Variants in PATJ observed in about 807,000 individuals in gnomAD.
PATJ encodes inaD-like protein.
In PATJ, 190 loss-of-function variants were observed where a neutral mutation model predicts 224.9. The observed-to-expected ratio is 0.84, with a 90% confidence interval of 0.75 to 0.95. PATJ has a LOEUF of 0.95. Ranked by LOEUF, PATJ falls within the 40% of genes least tolerant of loss-of-function variation. The pLI is 0.00. For synonymous variants in PATJ, 769 were observed against 820.3 expected (o/e 0.94, Z 1.07); for missense variants, 2,121 against 2,270.3 (o/e 0.93, Z 1.34).
chr1:61,943,217 C>T (rs1346379554), intron 27 of PATJ, among the ~76,000 whole-genome samples: 1 of 152,190 alleles, frequency 6.6e-6, no homozygotes, highest in African/African-American at 2.4e-5. Context: ...GTGATTTCTG[C>T]ATTTCCAACT....
At chr1:61,767,111 T>G (rs1646327613) in intron 4 of PATJ, among the ~76,000 whole-genome samples, 1 of 152,066 alleles carries the variant, frequency 6.6e-6, no homozygotes, top group African/African-American at 2.4e-5. Flanking sequence ...TAATGTAATT[T>G]GGAAAATCTA....
chr1:61,805,337 C>G, intron 12 of PATJ, 111 bp from the exon 13 acceptor site: 1 of 682,762 alleles, frequency 1.5e-6, no homozygotes, highest in Non-Finnish European at 2.6e-6. Context: ...TATTCATTTC[C>G]CCTTTACTTA....
At chr1:62,129,735 G>A (rs924657671) in intron 41 of PATJ, among the ~76,000 whole-genome samples, 3 of 152,186 alleles carry the variant, frequency 2.0e-5, no homozygotes, top group Admixed American at 2.0e-4. Context: ...GAGGTCAGGA[G>A]TTCGAGACCA....
intron 31 of PATJ, among the ~76,000 whole-genome samples, chr1:62,058,951 G>T (rs1286659627): frequency 6.6e-6 from 1 of 152,168 alleles, no homozygotes; most frequent in Non-Finnish European, 1.5e-5. Flanking sequence ...TGAATCAGGA[G>T]ATTTTCCATA....
At chr1:62,054,485 G>A (rs1027322205) in intron 31 of PATJ, 1 of 167,974 alleles carries the variant, frequency 6.0e-6, no homozygotes, top group Admixed American at 6.3e-5. Context: ...TAGATGCATA[G>A]CCAAGGAGTT....
At chr1:62,122,015 CTT>C (rs1313833493) in intron 38 of PATJ, among the ~76,000 whole-genome samples, 1 of 151,748 alleles carries the variant, frequency 6.6e-6, no homozygotes, top group Non-Finnish European at 1.5e-5. Flanking sequence ...CCTTTTAAGT[CTT>C]TTGTTGAATG....
In PATJ at chr1:62,114,045, T is replaced by C; in HGVS notation, c.4462-8T>C. 6.2e-7 allele frequency: 1 copy of C among 1,613,440 alleles called. No homozygotes were observed. The highest frequency in any genetic ancestry group is 8.5e-7 in the Non-Finnish European group (1 of 1,179,724). On this transcript the variant is annotated splice_polypyrimidine_tract_variant and splice_region_variant and intron_variant, in intron 34 of 43. Transcript: ENST00000642238. The stretch of plus-strand genomic sequence containing the variant: ...CAGCAGCCCAGCTCAGGATGCCCAT[T>C]GTTCCAGGTTAATGGGGTTGACCTG...
intron 17 of PATJ, among the ~76,000 whole-genome samples, chr1:61,852,212 TA>T (rs1401293925): frequency 1.3e-5 from 2 of 150,558 alleles, no homozygotes; most frequent in African/African-American, 4.9e-5. Flanking sequence ...ACAGTGTGTA[TA>T]ATAATATAAG....
At chr1:61,967,667 A>T (rs1223564937) in intron 27 of PATJ, among the ~76,000 whole-genome samples, 1 of 152,180 alleles carries the variant, frequency 6.6e-6, no homozygotes. Flanking sequence ...AAATGAGATG[A>T]TTTATTTAAA....
At chr1:62,136,671 G>A (rs867151102) in intron 41 of PATJ, among the ~76,000 whole-genome samples, 1 of 149,754 alleles carries the variant, frequency 6.7e-6, no homozygotes, top group African/African-American at 2.5e-5. Flanking sequence ...GTGTCTGTGT[G>A]TGTGTGTGTG....
In PATJ at chr1:61,754,554, G is replaced by A. The variant is rs1645523007; in HGVS notation, c.-35-8304G>A. Among the ~76,000 whole-genome samples, 3 of 120,726 alleles carry A rather than the reference G, an allele frequency of 2.5e-5. No individual in the cohort carries two copies. The South Asian group carries it at 7.7e-4, about 31-fold the overall frequency. 79.2% of individuals were successfully genotyped at this position (120,726 alleles called of 152,430 possible). A position where few individuals can be genotyped will look rare whatever the true frequency, so the allele number is the denominator to read the frequency against. On this transcript the variant is annotated intron_variant, in intron 1 of 43. Coordinates refer to ENST00000642238, the MANE Select transcript of PATJ (RefSeq NM_001350145.3). Reference sequence around the variant, plus strand: ...TTTTTTTTTTTTTTGTAGATACAGGGTTCTGCTATGTTGCCCAGGCTGGTC... The same window carrying A: ...TTTTTTTTTTTTTTGTAGATACAGGATTCTGCTATGTTGCCCAGGCTGGTC...
In PATJ at chr1:62,056,711, G is replaced by A. The variant is rs188588305; in HGVS notation, c.4125+5653G>A. On this transcript the variant is annotated intron_variant, in intron 31 of 43. Transcript: ENST00000642238. ...TAGGAGAATCACTTGAACCCCAGGGGCGGAGGTTGCAGTGAGCCAATATCA... is the reference window on the plus strand; with the variant it reads ...TAGGAGAATCACTTGAACCCCAGGGACGGAGGTTGCAGTGAGCCAATATCA... Among the ~76,000 whole-genome samples, 768 of 152,236 alleles carry A rather than the reference G, an allele frequency of 5.0e-3. 1 individual carries two copies. The highest frequency in any genetic ancestry group is 0.018 in the African/African-American group (742 of 41,536).
chr1:61,793,584 TA>T (rs1375047259), intron 9 of PATJ, among the ~76,000 whole-genome samples: 1 of 150,100 alleles, frequency 6.7e-6, no homozygotes. Context: ...CTACAAAAAA[TA>T]AAAAAAAATT....
intron 31 of PATJ, chr1:62,073,284 T>C: frequency 2.0e-6 from 2 of 985,274 alleles, no homozygotes; most frequent in Non-Finnish European, 2.4e-6. Flanking sequence ...GATGCAAATA[T>C]CTTGTGTTCA....
chr1:61,932,151 A>G (rs2149306999), intron 27 of PATJ, among the ~76,000 whole-genome samples: 2 of 152,260 alleles, frequency 1.3e-5, no homozygotes, highest in African/African-American at 4.8e-5. Flanking sequence ...AGTAATTGAT[A>G]GTCATGGTCA....
intron 17 of PATJ, among the ~76,000 whole-genome samples, chr1:61,845,341 T>A (rs536473108): frequency 2.0e-5 from 3 of 152,322 alleles, no homozygotes; most frequent in Non-Finnish European, 4.4e-5. Flanking sequence ...TCAGGTATAG[T>A]CTGTAGACCA....
At chr1:61,966,994 G>T (rs1682265985) in intron 27 of PATJ, among the ~76,000 whole-genome samples, 1 of 152,074 alleles carries the variant, frequency 6.6e-6, no homozygotes, top group South Asian at 2.1e-4. Context: ...AGATCTTTAT[G>T]ACCTGTATCT....
At chr1:62,009,347 G>A (rs368865420) in intron 28 of PATJ, among the ~76,000 whole-genome samples, 16 of 152,324 alleles carry the variant, frequency 1.1e-4, no homozygotes, top group African/African-American at 2.9e-4. Flanking sequence ...TCCCGCATAT[G>A]TGAAAGTTAT....
At chr1:61,793,359 G>C (rs1650299880) in intron 9 of PATJ, among the ~76,000 whole-genome samples, 1 of 152,172 alleles carries the variant, frequency 6.6e-6, no homozygotes, top group South Asian at 2.1e-4. Flanking sequence ...GGAAAAGAAG[G>C]GTTTCGATAG....
Sources: allele counts gnomAD v4.1 joint callset (sites outside exome capture counted in the v4.1 genomes callset), GRCh38; gene constraint gnomAD v4.1.1; transcripts MANE v1.5; gene names NCBI Gene and HGNC (gene_info 2026-07-23, HGNC 2026-07-21).